The following CYP2E1 variants were observed in gnomAD, a reference collection of about 807,000 sequenced individuals.
The protein encoded by CYP2E1 is cytochrome P450 family 2 subfamily E member 1.
Under a neutral mutation model 42.9 loss-of-function variants are expected in CYP2E1, and 31 were observed. That is an observed-to-expected ratio of 0.72 (90% CI 0.54 to 0.98). The LOEUF is 0.98. Ranked by LOEUF, CYP2E1 falls within the 50% of genes least tolerant of loss-of-function variation. The probability of loss-of-function intolerance (pLI) is 0.00; values close to 1 mark genes in which losing one functional copy is unlikely to be tolerated. For synonymous variants in CYP2E1, 244 were observed against 248.9 expected (o/e 0.98, Z 0.19); for missense variants, 565 against 633.2 (o/e 0.89, Z 1.16).
rs1218039869 is a variant in CYP2E1 at position 133,531,850 on chromosome 10, G to A, written c.487+116G>A. The A allele has an allele frequency of 6.5e-6, 7 of 1,072,320 alleles. No individual in the cohort carries two copies. In the East Asian group the frequency reaches 7.7e-5, roughly 12 times the overall value. 66.4% of individuals were successfully genotyped at this position (1,072,320 alleles called of 1,614,324 possible). On this transcript the variant is annotated intron_variant, in intron 3 of 8. Transcript: ENST00000252945. ...ACAGGGACCTACGGACAAGGAGAGGGTCTCGTGAGTCCCCAGATACTGCAT... is the reference window on the plus strand; with the variant it reads ...ACAGGGACCTACGGACAAGGAGAGGATCTCGTGAGTCCCCAGATACTGCAT...
chr10:133,533,544 C>G (rs189873819), intron 5 of CYP2E1, among the ~76,000 whole-genome samples: 62 of 152,274 alleles, frequency 4.1e-4, no homozygotes, highest in African/African-American at 1.5e-3. Context: ...GAGACAGAGC[C>G]CTGGCCTGCC....
rs779311330 is a variant in CYP2E1, at chr10:133,527,571, G to A, written c.176G>A (p.Arg59Gln). 6.8e-6 allele frequency: 11 copies of A among 1,606,966 alleles called. No individual in the cohort carries two copies. Among genetic ancestry groups the A allele is most frequent in the East Asian group, 2.2e-5 (1 of 44,754 alleles). Residue 59 changes from arginine to glutamine, a missense_variant and splice_region_variant, in exon 1 of 9, where the codon CGG (arginine) becomes CAG (glutamine). By Grantham distance (43) the Arg-to-Gln change is conservative (BLOSUM62 1). Transcript: ENST00000252945. ...AAGAATATTCCCAAGTCCTTCACCC[G>A]GGTAAGAGAAATAGTGTTGATTTTA... Reference protein sequence around the residue: ...ELKNIPKSFTRLAQRFGPVFT... With the variant: ...ELKNIPKSFTQLAQRFGPVFT...
intron 6 of CYP2E1, among the ~76,000 whole-genome samples, chr10:133,536,033 G>A (rs1410897): frequency 0.74 from 112,059 of 152,048 alleles, 44,773 homozygotes; most frequent in Non-Finnish European, 0.89. Context: ...AAAGACAGAG[G>A]CTTTCAGATT....
intron 7 of CYP2E1, 89 bp downstream of exon 7, chr10:133,537,339 A>G: frequency 7.3e-7 from 1 of 1,375,558 alleles, no homozygotes. Context: ...GGGCCCCAAG[A>G]CCCTTCCCTT....
Position 133,537,214 on chromosome 10 carries a change from C to T in CYP2E1, c.1119C>T (p.Thr373=), listed in dbSNP as rs200439431. ...LVPSNLPHEA[T]RDTIFRGYLI... is the part of the protein sequence containing the mutation. ...CCTCCAACCTGCCCCATGAAGCAAC[C>T]CGAGACACCATTTTCAGAGGATACC... Residue 373 remains threonine (T), a synonymous_variant, in exon 7 of 9, where the codon ACC becomes ACT. Transcript: ENST00000252945. 1.2e-6 allele frequency: 2 copies of T among 1,614,040 alleles called. No homozygotes were observed. The highest frequency in any genetic ancestry group is 4.5e-5 in the East Asian group (2 of 44,872).
intron 1 of CYP2E1, 38 bp from the exon 2 acceptor site, chr10:133,528,443 G>C: frequency 1.2e-6 from 2 of 1,606,634 alleles, no homozygotes; most frequent in Non-Finnish European, 1.7e-6. Flanking sequence ...CCTCCTCGCC[G>C]CGCGGCGGGC....
At chr10:133,532,588 A>G in intron 4 of CYP2E1, 104 bp from the exon 5 acceptor site, 5 of 1,090,792 alleles carry the variant, frequency 4.6e-6, no homozygotes, top group South Asian at 1.6e-5. Context: ...CAAATAAACA[A>G]TGATTACAGC....
intron 2 of CYP2E1, among the ~76,000 whole-genome samples, chr10:133,529,939 G>A (rs569998424): frequency 2.0e-5 from 3 of 152,202 alleles, no homozygotes; most frequent in Admixed American, 6.5e-5. Flanking sequence ...AGCATTACTG[G>A]AGGAGGCTCT....
intron 2 of CYP2E1, among the ~76,000 whole-genome samples, chr10:133,529,311 A>G (rs1851310203): frequency 6.6e-6 from 1 of 152,014 alleles, no homozygotes. Flanking sequence ...TTATCTGCGC[A>G]TTCTCCCAGC....
Position 133,528,605 on chromosome 10 carries a change from G to A in CYP2E1, c.302G>A (p.Gly101Asp). ...TACAAGGACGAGTTCTCGGGCAGAG[G>A]CGACCTCCCCGCGTTCCATGCGCAC... ...LDYKDEFSGR[G>D]DLPAFHAHRD... The change falls in exon 2 of 9, where the codon GGC becomes GAC. Residue 101 changes from glycine (G) to aspartate (D), a missense_variant. Transcript: ENST00000252945. The A allele has an allele frequency of 6.2e-7, 1 of 1,613,404 alleles. No individual in the cohort carries two copies. Among genetic ancestry groups the A allele is most frequent in the Non-Finnish European group, 8.5e-7 (1 of 1,179,986 alleles).
At chr10:133,536,914 GGATGGAGGGGTGTATA>G (rs1286916498) in intron 6 of CYP2E1, 133 bp from the exon 7 acceptor site, 20 of 628,590 alleles carry the variant, frequency 3.2e-5, no homozygotes, top group South Asian at 1.0e-4. Context: ...ATGGATGGAT[GGATGGAGGGGTGTATA>G]GATGGAGGGG....
intron 2 of CYP2E1, among the ~76,000 whole-genome samples, chr10:133,530,542 C>T (rs1851323610): frequency 6.6e-6 from 1 of 152,194 alleles, no homozygotes; most frequent in Non-Finnish European, 1.5e-5. Flanking sequence ...TTCTGGAACA[C>T]ACGAGCACAG....
intron 6 of CYP2E1, among the ~76,000 whole-genome samples, chr10:133,534,873 T>A (rs1046880121): frequency 3.3e-5 from 5 of 151,798 alleles, no homozygotes; most frequent in Non-Finnish European, 7.4e-5. Context: ...TATTTATTTT[T>A]TTTTTTGAGG....
chr10:133,536,746 T>A (rs1292742353), intron 6 of CYP2E1, among the ~76,000 whole-genome samples: 3 of 18,764 alleles, frequency 1.6e-4, no homozygotes, highest in Non-Finnish European at 1.0e-3. Flanking sequence ...GATGGGTGGG[T>A]GGGTGGATGG....
intron 2 of CYP2E1, among the ~76,000 whole-genome samples, chr10:133,530,009 G>A (rs1484933219): frequency 6.6e-6 from 1 of 152,170 alleles, no homozygotes; most frequent in Non-Finnish European, 1.5e-5. Flanking sequence ...TGCCACCCAC[G>A]GGTCCAAGGC....
intron 2 of CYP2E1, among the ~76,000 whole-genome samples, chr10:133,530,734 A>T (rs1342943701): frequency 6.6e-6 from 1 of 152,176 alleles, no homozygotes; most frequent in East Asian, 1.9e-4. Flanking sequence ...GATGGATAAG[A>T]GGAAGACGGA....
At position 133,531,671 on chromosome 10, in the gene CYP2E1, G is replaced by A. The variant is rs751390447; in HGVS notation, c.424G>A (p.Gly142Ser). The change falls in exon 3 of 9, where the codon GGC becomes AGC. Residue 142 changes from glycine (G) to serine (S), a missense_variant. Transcript: ENST00000252945. ...TLRNYGMGKQ[G>S]NESRIQREAH... ...CCGGAACTATGGGATGGGGAAACAG[G>A]GCAATGAGAGCCGGATCCAGAGGGA... The A allele has an allele frequency of 6.2e-7, 1 of 1,613,486 alleles. No homozygotes were observed. Among genetic ancestry groups the A allele is most frequent in the Non-Finnish European group, 8.5e-7 (1 of 1,179,714 alleles).
At chr10:133,537,634 G>A (rs370358114) in intron 7 of CYP2E1, 117 bp from the exon 8 acceptor site, 13 of 902,862 alleles carry the variant, frequency 1.4e-5, no homozygotes, top group Admixed American at 7.7e-5. Flanking sequence ...CCTTCAACTG[G>A]AAATATACTA....
At chr10:133,536,866 T>A (rs1589956814) in intron 6 of CYP2E1, among the ~76,000 whole-genome samples, 197 bp from the exon 7 acceptor site, 1 of 90,644 alleles carries the variant, frequency 1.1e-5, no homozygotes, top group Admixed American at 1.2e-4. Flanking sequence ...GCTGGCTGGG[T>A]GGGTGGGTGG....
Sources: allele counts gnomAD v4.1 joint callset (sites outside exome capture counted in the v4.1 genomes callset), GRCh38; gene constraint gnomAD v4.1.1; transcripts MANE v1.5; gene names NCBI Gene and HGNC (gene_info 2026-07-23, HGNC 2026-07-21).